Variants in PTPRD observed in about 807,000 individuals in gnomAD.
PTPRD encodes the protein protein tyrosine phosphatase receptor type D.
A neutral mutation model predicts 214.5 loss-of-function variants in PTPRD; 34 were observed. The ratio of observed to expected loss-of-function variants is 0.16; its 90% CI spans 0.12 to 0.21. The LOEUF (loss-of-function observed/expected upper bound fraction) is 0.21, where lower values mean the gene tolerates loss of function less well. Ranked by LOEUF, PTPRD falls within the 10% of genes least tolerant of loss-of-function variation. The pLI is 1.00. For missense variants in PTPRD, 2,545 were observed against 2,398.7 expected, an observed-to-expected ratio of 1.06 and a Z score of -1.27; for synonymous variants, 1,128 against 845.7, an observed-to-expected ratio of 1.33 and a Z score of -5.79.
At chr9:9,310,747 G>C (rs1462353718) in intron 9 of PTPRD, among the ~76,000 whole-genome samples, 1 of 151,764 alleles carries the variant, frequency 6.6e-6, no homozygotes, top group Non-Finnish European at 1.5e-5. Context: ...GAGAAATGCC[G>C]TCTCTACTAA....
chr9:8,517,455 TTTTAGCTTTGTC>T (rs1408998377), intron 21 of PTPRD, among the ~76,000 whole-genome samples: 1 of 152,212 alleles, frequency 6.6e-6, no homozygotes, highest in Admixed American at 6.5e-5. Flanking sequence ...CAGTTTTATT[TTTTAGCTTTGTC>T]TTGAACCATC....
intron 3 of PTPRD, among the ~76,000 whole-genome samples, chr9:10,220,169 T>G (rs1214198486): frequency 6.6e-6 from 1 of 151,852 alleles, no homozygotes; most frequent in African/African-American, 2.4e-5. Flanking sequence ...GTCATTTTCA[T>G]TTATAAATGT....
intron 30 of PTPRD, among the ~76,000 whole-genome samples, chr9:8,479,572 G>A (rs527960432): frequency 6.6e-6 from 1 of 152,142 alleles, no homozygotes; most frequent in South Asian, 2.1e-4. Flanking sequence ...ACTGACAAAG[G>A]TAGAAAACAT....
intron 10 of PTPRD, among the ~76,000 whole-genome samples, chr9:9,143,949 G>A (rs2099864352): frequency 2.6e-5 from 4 of 152,188 alleles, no homozygotes; most frequent in African/African-American, 7.2e-5. Flanking sequence ...TTCATCCAGA[G>A]ATGTTTAGGT....
chr9:8,395,467 T>A (rs1226244743), intron 36 of PTPRD, among the ~76,000 whole-genome samples: 1 of 151,546 alleles, frequency 6.6e-6, no homozygotes, highest in Non-Finnish European at 1.5e-5. Flanking sequence ...CCTTCACCTG[T>A]TCAATGACAG....
chr9:9,626,844 A>T lies in PTPRD; in HGVS notation c.-286-52063T>A, dbSNP rs78874091. On this transcript the variant is annotated intron_variant, in intron 7 of 45. Transcript: ENST00000381196. Reference sequence around the variant, plus strand: ...TTCTTCCTCCAAATCTGTTTTTCTCACCAACATAACAGACCTATATGAATG... The same window carrying T: ...TTCTTCCTCCAAATCTGTTTTTCTCTCCAACATAACAGACCTATATGAATG... Among the ~76,000 whole-genome samples the T allele has an allele frequency of 1.0e-2, 1,520 of 152,336 alleles. 39 individuals carry two copies. Among genetic ancestry groups the T allele is most frequent in the African/African-American group, 0.035 (1,452 of 41,578 alleles).
chr9:10,250,374 C>G (rs933911983), intron 3 of PTPRD, among the ~76,000 whole-genome samples: 1 of 152,056 alleles, frequency 6.6e-6, no homozygotes, highest in African/African-American at 2.4e-5. Context: ...AGTTTCTACA[C>G]TTTTGAACTC....
Position 9,522,501 on chromosome 9 carries a change from C to T in PTPRD, c.-237+52231G>A, listed in dbSNP as rs554395860. 2.6e-4 allele frequency among the ~76,000 whole-genome samples: 40 copies of T among 151,956 alleles called. 1 individual carries two copies. Among genetic ancestry groups the T allele is most frequent in the Admixed American group, 5.9e-4 (9 of 15,272 alleles). ...ACTACTGATGTGTTGACAGACAACCCCCAAAAAGCTTTAAATTACCTTTCA... is the reference window on the plus strand; with the variant it reads ...ACTACTGATGTGTTGACAGACAACCTCCAAAAAGCTTTAAATTACCTTTCA... On this transcript the variant is annotated intron_variant, in intron 8 of 45. Transcript: ENST00000381196.
At chr9:9,524,102 A>C (rs188845433) in intron 8 of PTPRD, among the ~76,000 whole-genome samples, 42 of 152,252 alleles carry the variant, frequency 2.8e-4, no homozygotes, top group Non-Finnish European at 4.4e-4. Flanking sequence ...ACTGTATGTT[A>C]CCAAGAGGAA....
chr9:9,572,098 G>T (rs1309937904), intron 8 of PTPRD, among the ~76,000 whole-genome samples: 1 of 151,298 alleles, frequency 6.6e-6, no homozygotes, highest in Non-Finnish European at 1.5e-5. Context: ...AAGAACTTCT[G>T]TTCATCAAAA....
chr9:9,018,436 G>A (rs1017943567), intron 11 of PTPRD, among the ~76,000 whole-genome samples: 2 of 152,014 alleles, frequency 1.3e-5, no homozygotes, highest in African/African-American at 4.8e-5. Flanking sequence ...CATTATTTAG[G>A]ACTTGAAATT....
chr9:10,610,605 G>A (rs1591965674), intron 2 of PTPRD, among the ~76,000 whole-genome samples: 1 of 152,022 alleles, frequency 6.6e-6, no homozygotes, highest in African/African-American at 2.4e-5. Flanking sequence ...TCAGCCAAGG[G>A]CTTCATTTTA....
At chr9:10,571,245 C>T (rs1027220357) in intron 2 of PTPRD, among the ~76,000 whole-genome samples, 18 of 151,746 alleles carry the variant, frequency 1.2e-4, no homozygotes, top group South Asian at 2.1e-4. Context: ...TCAGTAGATA[C>T]GAAGAAAATT....
At chr9:8,677,159 T>C (rs2097440296) in intron 12 of PTPRD, among the ~76,000 whole-genome samples, 1 of 152,184 alleles carries the variant, frequency 6.6e-6, no homozygotes, top group Admixed American at 6.5e-5. Flanking sequence ...TTCCACTTAA[T>C]AATTTCTAAA....
intron 5 of PTPRD, among the ~76,000 whole-genome samples, chr9:9,796,253 A>T (rs2099001774): frequency 6.6e-6 from 1 of 152,186 alleles, no homozygotes; most frequent in Non-Finnish European, 1.5e-5. Context: ...TTTGAAGATA[A>T]ACTTGCTAAT....
chr9:8,555,940 A>G lies in PTPRD; in HGVS notation c.353-27161T>C, dbSNP rs147208108. ...TGGGAGTACAGAAATGGGTCAGAGC[A>G]GATGCAGATCTGTGAAGACATCTTC... is the stretch of plus-strand genomic sequence containing the variant. On this transcript the variant is annotated intron_variant, in intron 14 of 45. Transcript: ENST00000381196. Among the ~76,000 whole-genome samples, 779 of 152,320 alleles carry G rather than the reference A, an allele frequency of 5.1e-3. 14 individuals are homozygous for G. Among genetic ancestry groups the G allele is most frequent in the African/African-American group, 0.016 (670 of 41,564 alleles).
rs531062276 is a variant in PTPRD, at chr9:8,517,736, A to T, written c.1543+112T>A. 7 of 909,724 alleles carry T rather than the reference A, an allele frequency of 7.7e-6. No homozygotes were observed. In the East Asian group the frequency reaches 1.8e-4, roughly 24 times the overall value. 56.4% of individuals were successfully genotyped at this position (909,724 alleles called of 1,614,324 possible). A position where few individuals can be genotyped will look rare whatever the true frequency, so the allele number is the denominator to read the frequency against. On this transcript the variant is annotated intron_variant, in intron 21 of 45. Coordinates refer to ENST00000381196, the MANE Select transcript of PTPRD (RefSeq NM_002839.4). The stretch of plus-strand genomic sequence containing the variant: ...ATCATCTGTTGCTTTGAAGCCCTAA[A>T]TCTCAAAAATTAAAATTCATACCAT...
chr9:9,773,344 T>G (rs1303670239), intron 5 of PTPRD, among the ~76,000 whole-genome samples: 1 of 152,184 alleles, frequency 6.6e-6, no homozygotes, highest in East Asian at 1.9e-4. Context: ...GAAGAATGTT[T>G]CTTCCCACAG....
chr9:10,467,377 G>A (rs755475194), intron 2 of PTPRD, among the ~76,000 whole-genome samples: 7 of 152,056 alleles, frequency 4.6e-5, no homozygotes, highest in South Asian at 2.1e-4. Context: ...ATATTATTAC[G>A]AATATGATGA....
Sources: gnomAD v4.1 joint callset for allele counts (sites outside exome capture counted in the v4.1 genomes callset) on GRCh38, gnomAD v4.1.1 for gene constraint, MANE v1.5 for transcripts, NCBI Gene and HGNC (gene_info 2026-07-23, HGNC 2026-07-21) for gene names.